The following PAXIP1 variants were observed in gnomAD, a reference collection of about 807,000 sequenced individuals.
The protein encoded by PAXIP1 is PAX-interacting protein 1.
Under a neutral mutation model 140.6 loss-of-function variants are expected in PAXIP1, and 19 were observed. That is an observed-to-expected ratio of 0.14 (90% CI 0.09 to 0.20). The LOEUF is 0.20. Ranked by LOEUF, PAXIP1 falls within the 10% of genes least tolerant of loss-of-function variation. PAXIP1 has a pLI of 1.00. For missense variants in PAXIP1, 920 were observed against 1,208.6 expected, an observed-to-expected ratio of 0.76 and a Z score of 3.54; for synonymous variants, 442 against 444.6, an observed-to-expected ratio of 0.99 and a Z score of 0.07.
intron 16 of PAXIP1, chr7:154,952,291 G>A (rs550462203): frequency 6.6e-6 from 1 of 152,272 alleles, no homozygotes; most frequent in South Asian, 2.1e-4. Flanking sequence ...GCACTTCGGT[G>A]GCCATTTGTG....
At chr7:154,965,664 T>C (rs1196340856) in intron 8 of PAXIP1, 2 of 152,246 alleles carry the variant, frequency 1.3e-5, no homozygotes, top group African/African-American at 4.8e-5. Flanking sequence ...TTTCTCTTCC[T>C]TATGATTTTC....
Position 154,986,279 on chromosome 7 carries a change from C to T in PAXIP1, c.325-2947G>A, listed in dbSNP as rs773533326. The T allele has an allele frequency of 4.2e-5, 32 of 756,056 alleles. No homozygotes were observed. The highest frequency in any genetic ancestry group is 4.5e-5 in the Non-Finnish European group (24 of 532,816). The allele number at this position is 756,056 out of a possible 1,614,324, so 46.8% of individuals were successfully genotyped here. On this transcript the variant is annotated intron_variant, in intron 4 of 20. Coordinates refer to ENST00000404141, the MANE Select transcript of PAXIP1 (RefSeq NM_007349.4). This position sits in a 1 kb window ranked among gnomAD's most constrained non-coding sequence, Gnocchi z 4.8. ...GCGTGTGCATGTGAGTGTGTGTGCG[C>T]ATGGGTGCTCCAGTGTGCAGAAAAG...
At chr7:154,975,523 TACAC>T (rs35537788) in intron 6 of PAXIP1, among the ~76,000 whole-genome samples, 169 bp downstream of exon 6, 25,705 of 150,046 alleles carry the variant, frequency 0.17, 2,213 homozygotes, top group African/African-American at 0.2. Flanking sequence ...TATATACACA[TACAC>T]ACACACACAC....
At position 154,961,046 on chromosome 7, in the gene PAXIP1, C is replaced by G. The variant is rs1409150194; in HGVS notation, c.2281G>C (p.Glu761Gln). The G allele has an allele frequency of 6.3e-7, 1 of 1,589,640 alleles. No homozygotes were observed. Among genetic ancestry groups the G allele is most frequent in the Non-Finnish European group, 8.6e-7 (1 of 1,169,218 alleles). Residue 761 changes from glutamate (E) to glutamine (Q), a missense_variant, in exon 12 of 21, where the codon GAG (glutamate) becomes CAG (glutamine). Transcript: ENST00000404141. ...PTGLKYEKAK[E>Q]WRIPCVNAQW... ...GCGTTGACACAGGGTATCCTCCACT[C>G]TTTGGCTTTTTCATACTTTAAACCA...
intron 5 of PAXIP1, among the ~76,000 whole-genome samples, chr7:154,982,508 G>A (rs1270900501): frequency 6.6e-6 from 1 of 152,186 alleles, no homozygotes; most frequent in Non-Finnish European, 1.5e-5. Context: ...ATGCCACCAT[G>A]CCTGGCTAAT....
intron 6 of PAXIP1, among the ~76,000 whole-genome samples, chr7:154,971,211 G>A (rs1809304373): frequency 6.6e-6 from 1 of 152,230 alleles, no homozygotes; most frequent in Admixed American, 6.5e-5. Flanking sequence ...ACTTACAGCT[G>A]TTTCTACTAC....
intron 20 of PAXIP1, chr7:154,945,607 C>G (rs1191301207): frequency 3.1e-6 from 3 of 964,458 alleles, no homozygotes; most frequent in Non-Finnish European, 3.7e-6. Context: ...GAGGCTCCCA[C>G]CCTCACAGAG....
intron 2 of PAXIP1, among the ~76,000 whole-genome samples, chr7:154,997,572 G>A (rs1810693645): frequency 6.6e-6 from 1 of 152,216 alleles, no homozygotes; most frequent in East Asian, 1.9e-4. Context: ...GGGAAGATCT[G>A]AAATAAAATC....
rs377448775 is a variant in PAXIP1 at position 154,961,513 on chromosome 7, G to A, written c.2249+14C>T. ...TAAATTTATGATTAAAAACAGTTTC[G>A]AAAATTTGCTTACTCTTTACAGATG... is the stretch of plus-strand genomic sequence containing the variant. On this transcript the variant is annotated intron_variant, in intron 11 of 20. Coordinates refer to ENST00000404141, the MANE Select transcript of PAXIP1 (RefSeq NM_007349.4). 2.3e-4 allele frequency: 364 copies of A among 1,568,496 alleles called. No individual in the cohort carries two copies. The highest frequency in any genetic ancestry group is 2.8e-4 in the Non-Finnish European group (328 of 1,155,996).
chr7:154,974,759 A>G (rs139239857), intron 6 of PAXIP1: 1 of 152,162 alleles, frequency 6.6e-6, no homozygotes, highest in East Asian at 1.9e-4. Context: ...TTTCTTAGTC[A>G]CAATTTTATC....
chr7:154,975,390 A>C (rs1585063950), intron 6 of PAXIP1, among the ~76,000 whole-genome samples: 2 of 152,190 alleles, frequency 1.3e-5, no homozygotes, highest in African/African-American at 4.8e-5. Flanking sequence ...TTTTAAACTA[A>C]GTAAGAGTGG....
intron 4 of PAXIP1, 103 bp from the exon 5 acceptor site, chr7:154,983,435 A>G (rs1809932741): frequency 6.3e-6 from 4 of 639,474 alleles, no homozygotes; most frequent in Non-Finnish European, 1.1e-5. Context: ...TTCTCCCTTA[A>G]TAAAATTAAC....
chr7:154,989,011 T>A (rs1810202083), intron 4 of PAXIP1, among the ~76,000 whole-genome samples: 1 of 152,194 alleles, frequency 6.6e-6, no homozygotes, highest in African/African-American at 2.4e-5. Context: ...TAAAGATCAT[T>A]CATGTAAATA....
In PAXIP1 at chr7:154,961,538, G is replaced by A. The variant is rs780662289; in HGVS notation, c.2238C>T (p.Leu746=). The A allele has an allele frequency of 6.9e-6, 11 of 1,604,066 alleles. No homozygotes were observed. Among genetic ancestry groups the A allele is most frequent in the Admixed American group, 1.7e-5 (1 of 58,582 alleles). The change falls in exon 11 of 21, where the codon CTC becomes CTT. Residue 746 remains leucine (L), a synonymous_variant. Transcript: ENST00000404141. ...TGYLCRSNTV[L]ICKEPTGLKY... is the part of the protein sequence containing the mutation. ...GAAAATTTGCTTACTCTTTACAGAT[G>A]AGGACTGTGTTGCTGCGGCATAGAT...
intron 5 of PAXIP1, among the ~76,000 whole-genome samples, chr7:154,977,239 TTAAA>T (rs1202982322): frequency 5.3e-5 from 8 of 152,154 alleles, no homozygotes; most frequent in African/African-American, 1.9e-4. Flanking sequence ...ATAAAAAATG[TTAAA>T]TAAGAGTAAT....
chr7:154,946,102 T>C lies in PAXIP1; in HGVS notation c.3194+263A>G, dbSNP rs1373144075. ...TATTTTATCTAATTGTCAAATTCTT[T>C]AATACCTCCATAAACTAGACAGTAT... On this transcript the variant is annotated intron_variant, in intron 20 of 20. Transcript: ENST00000404141. The surrounding 1 kb of genome is among the most constrained non-coding windows in gnomAD (Gnocchi z 4.9). 3 of 974,746 alleles carry C rather than the reference T, an allele frequency of 3.1e-6. No homozygotes were observed. The highest frequency in any genetic ancestry group is 3.7e-6 in the Non-Finnish European group (3 of 820,174). 60.4% of individuals were successfully genotyped at this position (974,746 alleles called of 1,614,324 possible). A position where few individuals can be genotyped will look rare whatever the true frequency, so the allele number is the denominator to read the frequency against.
At chr7:154,951,361 T>TGGGGGG (rs1283807320) in intron 16 of PAXIP1, 3 of 152,322 alleles carry the variant, frequency 2.0e-5, no homozygotes, top group Non-Finnish European at 4.4e-5. Flanking sequence ...CACTGTGGTG[T>TGGGGGG]GGGATGGTGA....
In PAXIP1 at chr7:154,960,981, T is replaced by G; in HGVS notation, c.2346A>C (p.Ala782=). Residue 782 remains alanine, a synonymous_variant, in exon 12 of 21, where the codon GCA becomes GCC. Coordinates refer to ENST00000404141, the MANE Select transcript of PAXIP1 (RefSeq NM_007349.4). Reference sequence around the variant, plus strand: ...AGCGACTATACTGAATCTGCCTCAGTGCCTCAAAGTTTCCCAGAAGAATGT... The same window carrying G: ...AGCGACTATACTGAATCTGCCTCAGGGCCTCAAAGTTTCCCAGAAGAATGT... ...LGDILLGNFE[A]LRQIQYSRYT... 2 of 1,603,170 alleles carry G rather than the reference T, an allele frequency of 1.2e-6. No homozygotes were observed. Among genetic ancestry groups the G allele is most frequent in the Non-Finnish European group, 1.7e-6 (2 of 1,174,476 alleles).
intron 4 of PAXIP1, among the ~76,000 whole-genome samples, chr7:154,990,039 T>C (rs1349755786): frequency 2.1e-5 from 3 of 143,474 alleles, no homozygotes; most frequent in South Asian, 4.6e-4. Flanking sequence ...AAGTTTCTCT[T>C]TTTTTTTTTT....
Sources: allele counts gnomAD v4.1 joint callset (sites outside exome capture counted in the v4.1 genomes callset), GRCh38; gene constraint gnomAD v4.1.1; non-coding constraint Gnocchi (gnomAD v3.1); transcripts MANE v1.5; gene names NCBI Gene and HGNC (gene_info 2026-07-23, HGNC 2026-07-21).